The following C22orf23 variants were observed in gnomAD, a reference collection of about 807,000 sequenced individuals.
The protein encoded by C22orf23 is chromosome 22 open reading frame 23.
Under a neutral mutation model 29.7 loss-of-function variants are expected in C22orf23, and 30 were observed. The ratio of observed to expected loss-of-function variants is 1.01; its 90% CI spans 0.76 to 1.37. The LOEUF (loss-of-function observed/expected upper bound fraction) is 1.37. C22orf23 is among the 40% of genes most tolerant of loss of function. The pLI is 0.00. For missense variants in C22orf23, 237 were observed against 273.1 expected (o/e 0.87, Z 0.93); for synonymous variants, 90 against 96.1 (o/e 0.94, Z 0.37).
chr22:37,953,413 A>C, intron 1 of C22orf23, 35 bp downstream of exon 1: 1 of 554,714 alleles, frequency 1.8e-6, no homozygotes, highest in Non-Finnish European at 3.2e-6. Flanking sequence ...TCACAACAGT[A>C]CCCACTGAGT....
rs1041587106 is a variant in C22orf23 at position 37,943,947 on chromosome 22, G to A, written c.*228C>T. On this transcript the variant is annotated 3_prime_UTR_variant, in exon 7 of 7. Transcript: ENST00000403305. ...CACATGTCCTAGTAGGGATGCTCGG[G>A]CTTTGCTTCTCTGCGGACGGGGCTG... is the stretch of plus-strand genomic sequence containing the variant. 11 of 596,802 alleles carry A rather than the reference G, an allele frequency of 1.8e-5. No homozygotes were observed. Among genetic ancestry groups the A allele is most frequent in the Admixed American group, 1.2e-4 (4 of 34,688 alleles). 37.0% of individuals were successfully genotyped at this position (596,802 alleles called of 1,614,324 possible).
Position 37,947,348 on chromosome 22 carries a change from G to A in C22orf23, c.282C>T (p.Leu94=), listed in dbSNP as rs1569156312. ...LPPILAARPH[L]RPANMCQANG... ...TGGCTTGACACATGTTGGCAGGCCG[G>A]AGGTGGGGACGGGCTGCGAGGATGG... The change falls in exon 4 of 7, where the codon CTC becomes CTT. Residue 94 remains leucine, a synonymous_variant. Coordinates refer to ENST00000403305, the MANE Select transcript of C22orf23 (RefSeq NM_032561.5). 2 of 1,613,954 alleles carry A rather than the reference G, an allele frequency of 1.2e-6. No homozygotes were observed. The highest frequency in any genetic ancestry group is 2.2e-5 in the South Asian group (2 of 91,090).
intron 2 of C22orf23, 150 bp from the exon 3 acceptor site, chr22:37,951,672 C>T: frequency 2.1e-6 from 1 of 486,406 alleles, no homozygotes. Context: ...TTCTATAGCA[C>T]TTACGACCAC....
At position 37,953,115 on chromosome 22, in the gene C22orf23, T is replaced by G; in HGVS notation, c.35A>C (p.Lys12Thr). The G allele has an allele frequency of 6.2e-7, 1 of 1,613,878 alleles. No homozygotes were observed. The highest frequency in any genetic ancestry group is 8.5e-7 in the Non-Finnish European group (1 of 1,179,906). Residue 12 changes from lysine (K) to threonine (T), a missense_variant, in exon 2 of 7, where the codon AAA (lysine) becomes ACA (threonine). Transcript: ENST00000403305. ...ASQKQMEVVTKGTGFRRRPKT... is the reference protein window; with the variant it reads ...ASQKQMEVVTTGTGFRRRPKT... ...GGGGCGGCGCCGGAACCCAGTTCCT[T>G]TGGTCACTACCTCCATCTGCTTCTG...
chr22:37,952,032 C>T (rs1194514268), intron 2 of C22orf23, among the ~76,000 whole-genome samples: 2 of 151,750 alleles, frequency 1.3e-5, no homozygotes, highest in East Asian at 3.9e-4. Context: ...TCAGGCTGGT[C>T]GTGAACTCCT....
chr22:37,951,553 T>C lies in C22orf23; in HGVS notation c.104-31A>G. ...CGACAAAGCATTCTATGAGGCCTCTTGGGCTGCAGGCGGATGCCTTCACCT... is the reference window on the plus strand; with the variant it reads ...CGACAAAGCATTCTATGAGGCCTCTCGGGCTGCAGGCGGATGCCTTCACCT... On this transcript the variant is annotated intron_variant, in intron 2 of 6. Transcript: ENST00000403305. 2.5e-6 allele frequency: 4 copies of C among 1,607,398 alleles called. No individual in the cohort carries two copies. The South Asian group carries it at 4.4e-5, about 18-fold the overall frequency.
At chr22:37,951,187 G>A in intron 3 of C22orf23, 3 of 283,382 alleles carry the variant, frequency 1.1e-5, no homozygotes, top group Non-Finnish European at 2.0e-5. Context: ...ACTCCAGCCT[G>A]GGCGACAGAG....
At chr22:37,945,324 A>G (rs1281978904) in intron 4 of C22orf23, 151 bp from the exon 5 acceptor site, 2 of 879,832 alleles carry the variant, frequency 2.3e-6, no homozygotes, top group Non-Finnish European at 3.4e-6. Flanking sequence ...TCTCCTGAGC[A>G]ATACTGTACT....
chr22:37,944,923 T>C (rs748372730), intron 5 of C22orf23, 119 bp downstream of exon 5: 17 of 969,734 alleles, frequency 1.8e-5, no homozygotes, highest in African/African-American at 1.7e-4. Context: ...AATAAATAAA[T>C]AGTGTTTCTC....
Position 37,945,010 on chromosome 22 carries a change from C to G in C22orf23, c.481+32G>C, listed in dbSNP as rs200988522. On this transcript the variant is annotated intron_variant, in intron 5 of 6. Transcript: ENST00000403305. ...GGGCCCCCTCCTCACATTACCCCCA[C>G]CCCCAGCATGACTGGTCCGTCGGAG... 2.4e-5 allele frequency: 38 copies of G among 1,564,620 alleles called. No homozygotes were observed. The Admixed American group carries it at 5.4e-4, about 22-fold the overall frequency.
At chr22:37,952,476 C>A (rs1036740337) in intron 2 of C22orf23, 2 of 152,266 alleles carry the variant, frequency 1.3e-5, no homozygotes, top group African/African-American at 4.8e-5. Flanking sequence ...GTTAACTACT[C>A]TAAAAATTTT....
At position 37,947,311 on chromosome 22, in the gene C22orf23, T is replaced by C. The variant is rs759952654; in HGVS notation, c.319A>G (p.Ser107Gly). The C allele has an allele frequency of 6.2e-7, 1 of 1,613,924 alleles. No individual in the cohort carries two copies. The highest frequency in any genetic ancestry group is 8.5e-7 in the Non-Finnish European group (1 of 1,180,002). The change falls in exon 4 of 7, where the codon AGC becomes GGC. Residue 107 changes from serine to glycine, a missense_variant. Ser to Gly is a moderately conservative substitution (Grantham distance 56). Coordinates refer to ENST00000403305, the MANE Select transcript of C22orf23 (RefSeq NM_032561.5). ...ANMCQANGAYSREQFKPQATR... is the reference protein window; with the variant it reads ...ANMCQANGAYGREQFKPQATR... ...GCTTGAGGCTTGAACTGCTCCCGGCTGTAGGCCCCATTGGCTTGACACATG... is the reference window on the plus strand; with the variant it reads ...GCTTGAGGCTTGAACTGCTCCCGGCCGTAGGCCCCATTGGCTTGACACATG...
chr22:37,944,323 T>C (rs1930561689), intron 6 of C22orf23, 77 bp from the exon 7 acceptor site: 4 of 1,613,418 alleles, frequency 2.5e-6, no homozygotes, highest in African/African-American at 1.3e-5. Context: ...AGCTAGAGCC[T>C]GACCCCTGAA....
chr22:37,944,029 C>G lies in C22orf23; in HGVS notation c.*146G>C. On this transcript the variant is annotated 3_prime_UTR_variant, in exon 7 of 7. Transcript: ENST00000403305. ...GCAGGGGCTAGGCTGCTGAGTATGC[C>G]TTGGGGTACTGCAGGGCAGTGCTAT... 1.3e-6 allele frequency: 1 copy of G among 748,510 alleles called. No homozygotes were observed. The highest frequency in any genetic ancestry group is 1.7e-5 in the African/African-American group (1 of 58,188). 46.4% of individuals were successfully genotyped at this position (748,510 alleles called of 1,614,324 possible). A position where few individuals can be genotyped will look rare whatever the true frequency, so the allele number is the denominator to read the frequency against.
chr22:37,947,756 C>T (rs527501397), intron 3 of C22orf23, among the ~76,000 whole-genome samples: 14 of 151,106 alleles, frequency 9.3e-5, no homozygotes, highest in African/African-American at 2.2e-4. Context: ...CCACCCACCT[C>T]GGCCTCCCAA....
intron 4 of C22orf23, among the ~76,000 whole-genome samples, chr22:37,947,079 A>T (rs1439012643): frequency 5.3e-5 from 8 of 151,788 alleles, no homozygotes; most frequent in Non-Finnish European, 1.0e-4. Context: ...GGAAAAATAA[A>T]AAAAAAAGGA....
chr22:37,953,151 G>C lies in C22orf23; in HGVS notation c.-2C>G. 6.2e-7 allele frequency: 1 copy of C among 1,611,230 alleles called. No homozygotes were observed. Among genetic ancestry groups the C allele is most frequent in the Non-Finnish European group, 8.5e-7 (1 of 1,177,776 alleles). ...CTCCATCTGCTTCTGTGAAGCCATG[G>C]GAGGACTCTGAGGAGGGAAAGACGC... is the stretch of plus-strand genomic sequence containing the variant. On this transcript the variant is annotated 5_prime_UTR_variant, in exon 2 of 7. Coordinates refer to ENST00000403305, the MANE Select transcript of C22orf23 (RefSeq NM_032561.5).
chr22:37,945,888 C>T (rs2145692583), intron 4 of C22orf23, among the ~76,000 whole-genome samples: 1 of 148,410 alleles, frequency 6.7e-6, no homozygotes, highest in South Asian at 2.1e-4. Context: ...CTGAGGCAGG[C>T]AAATCATGAG....
rs1471380987 is a variant in C22orf23, at chr22:37,949,987, C to T, written c.166+1473G>A. ...TGAGTAGCTGGGACTACAGGTACAC[C>T]CCAGTATGTATGTGTTTTGCCAGGC... On this transcript the variant is annotated intron_variant, in intron 3 of 6. Transcript: ENST00000403305. 2.0e-5 allele frequency among the ~76,000 whole-genome samples: 3 copies of T among 151,560 alleles called. No individual in the cohort carries two copies. In the South Asian group the frequency reaches 6.2e-4, roughly 32 times the overall value.
Sources: gnomAD v4.1 joint callset for allele counts (sites outside exome capture counted in the v4.1 genomes callset) on GRCh38, gnomAD v4.1.1 for gene constraint, MANE v1.5 for transcripts, NCBI Gene and HGNC (gene_info 2026-07-23, HGNC 2026-07-21) for gene names.